OR5H15: variants seen among roughly 807,000 people sequenced by gnomAD.
OR5H15 encodes olfactory receptor 5H15.
For missense variants in OR5H15, 405 were observed against 366.1 expected, an observed-to-expected ratio of 1.11 and a Z score of -0.87; for synonymous variants, 153 against 129.1, an observed-to-expected ratio of 1.19 and a Z score of -1.26.
intron 1 of OR5H15, 142 bp from the exon 2 acceptor site, chr3:98,168,540 T>C: frequency 1.1e-6 from 1 of 893,404 alleles, no homozygotes. Flanking sequence ...ATGCATCAAA[T>C]ACACAATTCA....
rs766700289 is a variant in OR5H15 at position 98,169,585 on chromosome 3, C to A, written c.886C>A (p.Gln296Lys). 1 of 1,608,000 alleles carries A rather than the reference C, an allele frequency of 6.2e-7. No homozygotes were observed. Among genetic ancestry groups the A allele is most frequent in the Non-Finnish European group, 8.5e-7 (1 of 1,175,326 alleles). Residue 296 changes from glutamine (Q) to lysine (K), a missense_variant, in exon 2 of 2, where the codon CAA becomes AAA. Transcript: ENST00000641450. Reference protein sequence around the residue: ...NPIIYSLRNKQVIVSFIKMLK... With the variant: ...NPIIYSLRNKKVIVSFIKMLK... ...TATCATCTACAGTCTGAGAAATAAGCAAGTCATAGTTTCATTCATAAAAAT... is the reference window on the plus strand; with the variant it reads ...TATCATCTACAGTCTGAGAAATAAGAAAGTCATAGTTTCATTCATAAAAAT...
Position 98,168,871 on chromosome 3 carries a change from C to T in OR5H15, c.172C>T (p.Pro58Ser). Residue 58 changes from proline to serine, a missense_variant, in exon 2 of 2, where the codon CCA (proline) becomes TCA (serine). Physicochemically the swap from Pro to Ser is moderately conservative, Grantham distance 74 (BLOSUM62 -1). Coordinates refer to ENST00000641450, the MANE Select transcript of OR5H15 (RefSeq NM_001005515.2). ...VIWKDPHLHI[P>S]MYLLLGNLAF... ...CTGGAAAGACCCTCACCTTCATATCCCAATGTACTTACTCCTTGGGAATTT... is the reference window on the plus strand; with the variant it reads ...CTGGAAAGACCCTCACCTTCATATCTCAATGTACTTACTCCTTGGGAATTT... 2 of 1,613,414 alleles carry T rather than the reference C, an allele frequency of 1.2e-6. No homozygotes were observed. Among genetic ancestry groups the T allele is most frequent in the Non-Finnish European group, 1.7e-6 (2 of 1,179,550 alleles).
At position 98,167,203 on chromosome 3, in the gene OR5H15, CTAAT is replaced by C. The variant is rs1708731905; in HGVS notation, c.-19+376_-19+379del. The stretch of plus-strand genomic sequence containing the variant: ...CATGCTTTTTAACTAACCACATTCT[CTAAT>C]TAAACCTTTTAAGGTCAGTCACTTA... On this transcript the variant is annotated intron_variant, in intron 1 of 1. Coordinates refer to ENST00000641450, the MANE Select transcript of OR5H15 (RefSeq NM_001005515.2). Among the ~76,000 whole-genome samples, 4 of 152,120 alleles carry C rather than the reference CTAAT, an allele frequency of 2.6e-5. No homozygotes were observed. In the South Asian group the frequency reaches 8.3e-4, roughly 31 times the overall value.
rs748536811 is a variant in OR5H15, at chr3:98,169,346, T to G, written c.647T>G (p.Ile216Arg). Residue 216 changes from isoleucine (I) to arginine (R), a missense_variant, in exon 2 of 2, where the codon ATA becomes AGA. Ile to Arg is a moderately conservative substitution (Grantham distance 97). Transcript: ENST00000641450. Reference protein sequence around the residue: ...IQVFSIVTILISYTFVLFTVL... With the variant: ...IQVFSIVTILRSYTFVLFTVL... ...GTATTCAGCATTGTGACTATTCTTA[T>G]ATCTTACACATTTGTTCTCTTCACA... 3.1e-6 allele frequency: 5 copies of G among 1,613,132 alleles called. No homozygotes were observed. In the Admixed American group the frequency reaches 8.4e-5, roughly 27 times the overall value.
chr3:98,168,623 A>G, intron 1 of OR5H15, 59 bp from the exon 2 acceptor site: 2 of 1,559,180 alleles, frequency 1.3e-6, no homozygotes, highest in Non-Finnish European at 1.7e-6. Context: ...TCTCTTCCCC[A>G]ATTTCAACTC....
chr3:98,168,776 C>T lies in OR5H15; in HGVS notation c.77C>T (p.Pro26Leu). 6.2e-7 allele frequency: 1 copy of T among 1,613,372 alleles called. No individual in the cohort carries two copies. Among genetic ancestry groups the T allele is most frequent in the South Asian group, 1.1e-5 (1 of 91,066 alleles). Residue 26 changes from proline to leucine, a missense_variant, in exon 2 of 2, where the codon CCC becomes CTC. Physicochemically the swap from Pro to Leu is moderately conservative, Grantham distance 98. Transcript: ENST00000641450. The stretch of plus-strand genomic sequence containing the variant: ...TTATATCAACCACAGTGGAAAATAC[C>T]CCTGTTCTTGGCATTCTTGGTAATA... ...GFLYQPQWKIPLFLAFLVIYL... is the reference protein window; with the variant it reads ...GFLYQPQWKILLFLAFLVIYL...
chr3:98,168,121 T>C (rs1001787557), intron 1 of OR5H15, among the ~76,000 whole-genome samples: 1 of 152,046 alleles, frequency 6.6e-6, no homozygotes, highest in African/African-American at 2.4e-5. Context: ...TGTCAGATAA[T>C]TTTTATGTGT....
intron 1 of OR5H15, among the ~76,000 whole-genome samples, chr3:98,168,253 G>A (rs958816195): frequency 1.3e-5 from 2 of 151,988 alleles, no homozygotes; most frequent in Admixed American, 6.6e-5. Context: ...AAATATATTA[G>A]AATATAATTT....
Position 98,168,822 on chromosome 3 carries a change from G to A in OR5H15, c.123G>A (p.Gly41=). The change falls in exon 2 of 2, where the codon GGG becomes GGA. Residue 41 remains glycine, a synonymous_variant. Transcript: ENST00000641450. ...FLVIYLITIM[G]NLGLIAVIWK... Reference sequence around the variant, plus strand: ...TAATATATCTCATCACCATCATGGGGAATCTTGGTCTGATTGCTGTCATCT... The same window carrying A: ...TAATATATCTCATCACCATCATGGGAAATCTTGGTCTGATTGCTGTCATCT... 2 of 1,613,462 alleles carry A rather than the reference G, an allele frequency of 1.2e-6. No individual in the cohort carries two copies. The highest frequency in any genetic ancestry group is 1.7e-6 in the Non-Finnish European group (2 of 1,179,550).
Position 98,168,727 on chromosome 3 carries a change from A to G in OR5H15, c.28A>G (p.Thr10Ala), listed in dbSNP as rs976778403. 6.2e-7 allele frequency: 1 copy of G among 1,613,228 alleles called. No homozygotes were observed. Among genetic ancestry groups the G allele is most frequent in the Non-Finnish European group, 8.5e-7 (1 of 1,179,452 alleles). The change falls in exon 2 of 2, where the codon ACA (threonine) becomes GCA (alanine). Residue 10 changes from threonine to alanine, a missense_variant. Thr to Ala is a moderately conservative substitution (Grantham distance 58). Coordinates refer to ENST00000641450, the MANE Select transcript of OR5H15 (RefSeq NM_001005515.2). ...GGAAGAGGAAAATGCAACATTGCTG[A>G]CAGAGTTTGTTCTCACAGGATTTTT... The part of the protein sequence containing the change: MEEENATLL[T>A]EFVLTGFLYQ...
At chr3:98,167,394 TC>T (rs1559812804) in intron 1 of OR5H15, among the ~76,000 whole-genome samples, 1 of 146,396 alleles carries the variant, frequency 6.8e-6, no homozygotes, top group Non-Finnish European at 1.5e-5. Context: ...TCTCTCTCTC[TC>T]TCCATATTCC....
chr3:98,168,098 T>C (rs369170596), intron 1 of OR5H15, among the ~76,000 whole-genome samples: 1 of 152,084 alleles, frequency 6.6e-6, no homozygotes, highest in South Asian at 2.1e-4. Context: ...ACCTATATTT[T>C]TCATGAACAC....
At position 98,169,408 on chromosome 3, in the gene OR5H15, GC is replaced by G; in HGVS notation, c.711del (p.Ser239ProfsTer19). 1 of 1,613,558 alleles carries G rather than the reference GC, an allele frequency of 6.2e-7. No individual in the cohort carries two copies. Among genetic ancestry groups the G allele is most frequent in the South Asian group, 1.1e-5 (1 of 91,068 alleles). ...EKKSDKGVRK[A>X]FSTCGAHLFS... ...GAAATCTGATAAGGGTGTAAGGAAA[GC>G]CTTTTCCACCTGTGGAGCCCATCTC... On this transcript the variant is annotated frameshift_variant, in exon 2 of 2. Transcript: ENST00000641450. LOFTEE classifies it low-confidence loss of function (END_TRUNC).
rs759043060 is a variant in OR5H15 at position 98,169,383 on chromosome 3, G to T, written c.684G>T (p.Lys228Asn). 5 of 1,613,282 alleles carry T rather than the reference G, an allele frequency of 3.1e-6. No homozygotes were observed. In the Admixed American group the frequency reaches 8.4e-5, roughly 27 times the overall value. The change falls in exon 2 of 2, where the codon AAG becomes AAT. Residue 228 changes from lysine to asparagine, a missense_variant. By Grantham distance (94) the Lys-to-Asn change is moderately conservative. Coordinates refer to ENST00000641450, the MANE Select transcript of OR5H15 (RefSeq NM_001005515.2). ...TTGTTCTCTTCACAGTCTTAGAAAA[G>T]AAATCTGATAAGGGTGTAAGGAAAG... ...YTFVLFTVLE[K>N]KSDKGVRKAF...
At chr3:98,168,546 A>G (rs1056128873) in intron 1 of OR5H15, 136 bp from the exon 2 acceptor site, 65 of 928,496 alleles carry the variant, frequency 7.0e-5, no homozygotes, top group Non-Finnish European at 9.4e-5. Flanking sequence ...CAAATACACA[A>G]TTCATCAGTT....
At chr3:98,167,111 G>A (rs914331801) in intron 1 of OR5H15, among the ~76,000 whole-genome samples, 1 of 151,912 alleles carries the variant, frequency 6.6e-6, no homozygotes, top group Admixed American at 6.6e-5. Context: ...CTAAAACTTG[G>A]TTTACACATT....
rs1202476490 is a variant in OR5H15, at chr3:98,169,321, G to A, written c.622G>A (p.Val208Ile). The A allele has an allele frequency of 2.5e-6, 4 of 1,611,980 alleles. No homozygotes were observed. The highest frequency in any genetic ancestry group is 1.3e-5 in the African/African-American group (1 of 74,800). Residue 208 changes from valine (V) to isoleucine (I), a missense_variant, in exon 2 of 2, where the codon GTA becomes ATA. Physicochemically the swap from Val to Ile is conservative, Grantham distance 29. Transcript: ENST00000641450. ...TTTTATTTTCTCAGGTTCAATTCAG[G>A]TATTCAGCATTGTGACTATTCTTAT... ...MVFIFSGSIQ[V>I]FSIVTILISY... is the part of the protein sequence containing the mutation.
rs746505525 is a variant in OR5H15 at position 98,169,073 on chromosome 3, C to T, written c.374C>T (p.Ala125Val). 5 of 1,613,454 alleles carry T rather than the reference C, an allele frequency of 3.1e-6. No homozygotes were observed. Among genetic ancestry groups the T allele is most frequent in the Non-Finnish European group, 1.7e-6 (2 of 1,179,644 alleles). The change falls in exon 2 of 2, where the codon GCC (alanine) becomes GTC (valine). Residue 125 changes from alanine to valine, a missense_variant. By Grantham distance (64) the Ala-to-Val change is moderately conservative. Transcript: ENST00000641450. ...LATMAYDRYVAICKPLLYPAI... is the reference protein window; with the variant it reads ...LATMAYDRYVVICKPLLYPAI... ...ACAATGGCATATGATCGCTATGTAG[C>T]CATATGCAAACCTTTACTTTATCCA...
intron 1 of OR5H15, among the ~76,000 whole-genome samples, chr3:98,167,720 A>C (rs779350358): frequency 6.6e-6 from 1 of 152,070 alleles, no homozygotes; most frequent in Non-Finnish European, 1.5e-5. Context: ...GAATCCAAGT[A>C]ATCATTCCTA....
Sources: allele counts gnomAD v4.1 joint callset (sites outside exome capture counted in the v4.1 genomes callset), GRCh38; gene constraint gnomAD v4.1.1; transcripts MANE v1.5; gene names NCBI Gene and HGNC (gene_info 2026-07-23, HGNC 2026-07-21).